MACROD1: variants seen among roughly 807,000 people sequenced by gnomAD.
MACROD1 encodes mono-ADP ribosylhydrolase 1, also known as ADP-ribose glycohydrolase MACROD1.
In MACROD1, 31 loss-of-function variants were observed where a neutral mutation model predicts 41.4. That is an observed-to-expected ratio of 0.75 (90% CI 0.56 to 1.01). The LOEUF (loss-of-function observed/expected upper bound fraction) is 1.01. Among genes scored for constraint, MACROD1 ranks in the 50% least tolerant of loss-of-function variants. The pLI is 0.00. For synonymous variants in MACROD1, 252 were observed against 203.4 expected (o/e 1.24, Z -2.03); for missense variants, 473 against 460.0 (o/e 1.03, Z -0.26).
At chr11:64,098,273 C>T (rs1037840169) in intron 3 of MACROD1, among the ~76,000 whole-genome samples, 7 of 152,226 alleles carry the variant, frequency 4.6e-5, no homozygotes, top group Admixed American at 1.3e-4. Flanking sequence ...GGCCAGGCTC[C>T]GGGCCCTGCT....
chr11:64,028,760 C>T (rs1472075767), intron 3 of MACROD1, among the ~76,000 whole-genome samples: 1 of 152,160 alleles, frequency 6.6e-6, no homozygotes, highest in African/African-American at 2.4e-5. Context: ...ACCTGCCAGG[C>T]CTGGCTGCTG....
At chr11:64,117,206 G>A (rs372785993) in intron 3 of MACROD1, 1 of 1,614,118 alleles carries the variant, frequency 6.2e-7, no homozygotes, top group Non-Finnish European at 8.5e-7. Context: ...CCCGCGGCCT[G>A]TTCGACGACC....
chr11:64,108,360 G>A (rs1280570815), intron 3 of MACROD1, among the ~76,000 whole-genome samples: 1 of 151,998 alleles, frequency 6.6e-6, no homozygotes, highest in African/African-American at 2.4e-5. Flanking sequence ...CCCACAGTAG[G>A]CTGAGCAGCT....
At chr11:64,143,213 A>G (rs1945438838) in intron 3 of MACROD1, among the ~76,000 whole-genome samples, 1 of 152,040 alleles carries the variant, frequency 6.6e-6, no homozygotes, top group South Asian at 2.1e-4. Flanking sequence ...AAGGAAAGAA[A>G]GGAAAAAGAA....
Position 64,036,603 on chromosome 11 carries a change from C to T in MACROD1, c.518-21322G>A, listed in dbSNP as rs1293564277. 6.6e-6 allele frequency among the ~76,000 whole-genome samples: 1 copy of T among 152,196 alleles called. No individual in the cohort carries two copies. The highest frequency in any genetic ancestry group is 6.5e-5 in the Admixed American group (1 of 15,290). On this transcript the variant is annotated intron_variant, in intron 3 of 10. Coordinates refer to ENST00000255681, the MANE Select transcript of MACROD1 (RefSeq NM_014067.4). The surrounding 1 kb of genome is among the most constrained non-coding windows in gnomAD (Gnocchi z 5.6). ...GCCAGGGACAGCCGGCCGGCCTGGG[C>T]GCCGCGCTCCCGTCCCCACCAGCCG... is the stretch of plus-strand genomic sequence containing the variant.
At chr11:64,095,887 G>A (rs1944567245) in intron 3 of MACROD1, among the ~76,000 whole-genome samples, 1 of 152,182 alleles carries the variant, frequency 6.6e-6, no homozygotes, top group African/African-American at 2.4e-5. Flanking sequence ...AGGGGCAGCC[G>A]AGGGAGGGAG....
At chr11:64,047,274 G>A (rs964618457) in intron 3 of MACROD1, among the ~76,000 whole-genome samples, 2 of 152,216 alleles carry the variant, frequency 1.3e-5, no homozygotes, top group East Asian at 1.9e-4. Flanking sequence ...TTCCTGGCCC[G>A]AGATAAATGG....
In MACROD1 at chr11:63,999,032, T is replaced by C. The variant is rs1942767497; in HGVS notation, c.896A>G (p.Asp299Gly). ...GAGGAACACGCAGATGATCAGCCGG[T>C]CCACCTGCGCCAGGGGCTGCTCAGC... The part of the protein sequence containing the change: ...EWLEQHKDKV[D>G]RLIICVFLEK... The change falls in exon 9 of 11, where the codon GAC (aspartate) becomes GGC (glycine). Residue 299 changes from aspartate to glycine, a missense_variant. Physicochemically the swap from Asp to Gly is moderately conservative, Grantham distance 94. Coordinates refer to ENST00000255681, the MANE Select transcript of MACROD1 (RefSeq NM_014067.4). 1.9e-6 allele frequency: 3 copies of C among 1,603,030 alleles called. No individual in the cohort carries two copies. Among genetic ancestry groups the C allele is most frequent in the South Asian group, 1.1e-5 (1 of 89,506 alleles).
chr11:64,136,289 G>A (rs374862833), intron 3 of MACROD1, among the ~76,000 whole-genome samples: 12 of 152,316 alleles, frequency 7.9e-5, no homozygotes, highest in African/African-American at 2.9e-4. Flanking sequence ...TCAGTTAAGG[G>A]CACTTCCCAG....
chr11:64,110,436 C>T (rs1468135546), intron 3 of MACROD1, among the ~76,000 whole-genome samples: 2 of 148,234 alleles, frequency 1.3e-5, no homozygotes, highest in Non-Finnish European at 3.0e-5. Flanking sequence ...GGTGACAGAG[C>T]GAGACTGTCT....
At chr11:64,105,824 C>T (rs1046690888) in intron 3 of MACROD1, among the ~76,000 whole-genome samples, 5 of 152,108 alleles carry the variant, frequency 3.3e-5, no homozygotes, top group Admixed American at 1.3e-4. Context: ...CCCACAGCTG[C>T]GGGAGGGCTC....
Position 64,041,607 on chromosome 11 carries a change from G to T in MACROD1, c.518-26326C>A, listed in dbSNP as rs529870045. Among the ~76,000 whole-genome samples, 47 of 152,132 alleles carry T rather than the reference G, an allele frequency of 3.1e-4. 1 individual carries two copies. The highest frequency in any genetic ancestry group is 9.6e-4 in the African/African-American group (40 of 41,494). On this transcript the variant is annotated intron_variant, in intron 3 of 10. Coordinates refer to ENST00000255681, the MANE Select transcript of MACROD1 (RefSeq NM_014067.4). ...AACAGATGAATGAATGGAAAAAGGG[G>T]TGCAGCCAGGACCGAATGACCGCCT...
intron 3 of MACROD1, among the ~76,000 whole-genome samples, chr11:64,097,737 C>T (rs61884710): frequency 0.47 from 71,811 of 152,138 alleles, 19,995 homozygotes; most frequent in Non-Finnish European, 0.62. Context: ...CCTGGGGGCC[C>T]GGAGCGAGTG....
chr11:64,025,911 C>A (rs1046774958), intron 3 of MACROD1, among the ~76,000 whole-genome samples: 1 of 151,942 alleles, frequency 6.6e-6, no homozygotes, highest in Non-Finnish European at 1.5e-5. Context: ...GGCCGGGCGC[C>A]GTAACTCACA....
At chr11:64,041,917 G>A (rs1304743938) in intron 3 of MACROD1, among the ~76,000 whole-genome samples, 4 of 152,176 alleles carry the variant, frequency 2.6e-5, no homozygotes, top group Non-Finnish European at 2.9e-5. Context: ...AGTGAGATTC[G>A]GTGGGCTGAG....
At chr11:64,131,691 A>T (rs1945268405) in intron 3 of MACROD1, among the ~76,000 whole-genome samples, 1 of 152,152 alleles carries the variant, frequency 6.6e-6, no homozygotes, top group Admixed American at 6.5e-5. Flanking sequence ...ACCCTGTTTC[A>T]GGCTGTGACT....
intron 3 of MACROD1, among the ~76,000 whole-genome samples, chr11:64,093,482 G>C (rs1944525873): frequency 2.0e-5 from 3 of 152,256 alleles, no homozygotes; most frequent in Non-Finnish European, 4.4e-5. Context: ...ATGTAGACTA[G>C]GTATGGATGC....
In MACROD1 at chr11:64,024,652, C is replaced by T. The variant is rs1296604377; in HGVS notation, c.518-9371G>A. Among the ~76,000 whole-genome samples, 3 of 152,226 alleles carry T rather than the reference C, an allele frequency of 2.0e-5. No homozygotes were observed. The East Asian group carries it at 5.8e-4, about 29-fold the overall frequency. On this transcript the variant is annotated intron_variant, in intron 3 of 10. Coordinates refer to ENST00000255681, the MANE Select transcript of MACROD1 (RefSeq NM_014067.4). ...ATGGCTTGGGCCCCAGCCAGCCGGG[C>T]AGTCTCCATCCTTGCAAGAATGAGG...
At chr11:64,074,854 A>G (rs78191315) in intron 3 of MACROD1, among the ~76,000 whole-genome samples, 5,662 of 152,160 alleles carry the variant, frequency 0.037, 224 homozygotes, top group African/African-American at 0.11. Flanking sequence ...GTGAGCTCTG[A>G]CCTCACTCCA....
Sources: gnomAD v4.1 joint callset for allele counts (sites outside exome capture counted in the v4.1 genomes callset) on GRCh38, gnomAD v4.1.1 for gene constraint, Gnocchi (gnomAD v3.1) non-coding constraint, MANE v1.5 for transcripts, NCBI Gene and HGNC (gene_info 2026-07-23, HGNC 2026-07-21) for gene names.